NRXN1: variants seen among roughly 807,000 people sequenced by gnomAD.
The protein encoded by NRXN1 is neurexin 1, also known as neurexin-1.
In NRXN1, 39 loss-of-function variants were observed where a neutral mutation model predicts 150.9. The ratio of observed to expected loss-of-function variants is 0.26; its 90% CI spans 0.20 to 0.34. The LOEUF (loss-of-function observed/expected upper bound fraction) is 0.34. Ranked by LOEUF, NRXN1 falls within the 10% of genes least tolerant of loss-of-function variation. The pLI is 1.00. For missense variants in NRXN1, 1,815 were observed against 1,949.9 expected, an observed-to-expected ratio of 0.93 and a Z score of 1.30; for synonymous variants, 924 against 757.0, an observed-to-expected ratio of 1.22 and a Z score of -3.62.
At chr2:50,498,968 G>A in intron 13 of NRXN1, among the ~76,000 whole-genome samples, 1 of 152,156 alleles carries the variant, frequency 6.6e-6, no homozygotes, top group East Asian at 1.9e-4. Context: ...CCCAGAATCA[G>A]CCCCTGAGAA....
chr2:50,042,682 G>A (rs1485183587), intron 21 of NRXN1, among the ~76,000 whole-genome samples: 2 of 35,806 alleles, frequency 5.6e-5, no homozygotes, highest in African/African-American at 2.3e-4. Flanking sequence ...ATTAGGTGCT[G>A]AGCATACACA....
rs185672891 is a variant in NRXN1 at position 50,377,191 on chromosome 2, C to T, written c.3364+88251G>A. On this transcript the variant is annotated intron_variant, in intron 17 of 22. Coordinates refer to ENST00000401669, the MANE Select transcript of NRXN1 (RefSeq NM_001330078.2). ...TGGTGGTTTGCTGCACCTATCAACCCATCACCTAGGTATTAAGCCTCCCAC... is the reference window on the plus strand; with the variant it reads ...TGGTGGTTTGCTGCACCTATCAACCTATCACCTAGGTATTAAGCCTCCCAC... Among the ~76,000 whole-genome samples, 21 of 152,188 alleles carry T rather than the reference C, an allele frequency of 1.4e-4. 1 individual carries two copies. Among genetic ancestry groups the T allele is most frequent in the Admixed American group, 3.9e-4 (6 of 15,276 alleles).
chr2:50,522,185 T>G (rs1441615813), intron 12 of NRXN1, among the ~76,000 whole-genome samples: 1 of 152,110 alleles, frequency 6.6e-6, no homozygotes, highest in East Asian at 1.9e-4. Flanking sequence ...CTGGCCAACA[T>G]GCTGTGTTCT....
intron 21 of NRXN1, among the ~76,000 whole-genome samples, chr2:49,993,482 T>C (rs1307998392): frequency 1.3e-5 from 2 of 152,194 alleles, no homozygotes; most frequent in Non-Finnish European, 2.9e-5. Flanking sequence ...TAATAATAGA[T>C]CCATGCCATG....
At chr2:50,539,084 G>C (rs10490224) in intron 9 of NRXN1, among the ~76,000 whole-genome samples, 3,256 of 152,248 alleles carry the variant, frequency 0.021, 49 homozygotes, top group East Asian at 0.068. Flanking sequence ...TACTTTGATT[G>C]AGCACAATAG....
chr2:50,598,575 TGTGTATATATATGTATATATGCGC>T (rs1374760150), intron 8 of NRXN1, among the ~76,000 whole-genome samples: 4 of 149,748 alleles, frequency 2.7e-5, no homozygotes, highest in African/African-American at 9.8e-5. Context: ...TGTGTGTGTG[TGTGTATATATATGTATATATGCGC>T]GTGTATATAT....
chr2:50,658,422 G>GTGTGTGTGTGTC (rs1686816116), intron 5 of NRXN1, among the ~76,000 whole-genome samples: 1 of 151,608 alleles, frequency 6.6e-6, no homozygotes. Flanking sequence ...GTGTGTGTGT[G>GTGTGTGTGTGTC]TGTGTGTGTG....
At chr2:50,936,329 A>C (rs1294635056) in intron 2 of NRXN1, among the ~76,000 whole-genome samples, 6 of 152,168 alleles carry the variant, frequency 3.9e-5, no homozygotes, top group Non-Finnish European at 8.8e-5. Flanking sequence ...TAATGAAGAA[A>C]ATATGTGTTG....
intron 18 of NRXN1, among the ~76,000 whole-genome samples, chr2:50,163,790 G>C (rs1191579361): frequency 1.3e-5 from 2 of 152,160 alleles, no homozygotes; most frequent in Admixed American, 1.3e-4. Context: ...ATTTAGGAAA[G>C]TGAATTACCA....
chr2:50,821,524 G>C (rs966777870), intron 5 of NRXN1, among the ~76,000 whole-genome samples: 28 of 152,146 alleles, frequency 1.8e-4, no homozygotes, highest in Admixed American at 1.2e-3. Context: ...GATTAAGTGA[G>C]TTAACATATG....
chr2:50,576,697 C>T (rs1208700670), intron 8 of NRXN1, among the ~76,000 whole-genome samples: 1 of 152,008 alleles, frequency 6.6e-6, no homozygotes, highest in East Asian at 1.9e-4. Context: ...CTTGCATTGC[C>T]AAGGCTGAAT....
At chr2:50,102,274 C>A (rs766243213) in intron 18 of NRXN1, among the ~76,000 whole-genome samples, 8 of 151,948 alleles carry the variant, frequency 5.3e-5, no homozygotes, top group East Asian at 1.9e-4. Context: ...TTATCAAGTG[C>A]CTTTTAGCTG....
intron 5 of NRXN1, among the ~76,000 whole-genome samples, chr2:50,705,346 C>G (rs1482184966): frequency 6.6e-6 from 1 of 151,944 alleles, no homozygotes; most frequent in Non-Finnish European, 1.5e-5. Context: ...ATAGATAAAA[C>G]TGAATCAGAC....
chr2:50,227,504 G>A (rs1457458153), intron 18 of NRXN1, among the ~76,000 whole-genome samples: 1 of 151,950 alleles, frequency 6.6e-6, no homozygotes, highest in Non-Finnish European at 1.5e-5. Context: ...TTCCACTGAT[G>A]AGCAGCTCAT....
chr2:50,408,767 T>C lies in NRXN1; in HGVS notation c.3364+56675A>G, dbSNP rs893337767. ...ATTCCCTATTGCCACAGCTGAAGAGTAGAAATGCTTTATGGCTCTAACTGG... is the reference window on the plus strand; with the variant it reads ...ATTCCCTATTGCCACAGCTGAAGAGCAGAAATGCTTTATGGCTCTAACTGG... On this transcript the variant is annotated intron_variant, in intron 17 of 22. Coordinates refer to ENST00000401669, the MANE Select transcript of NRXN1 (RefSeq NM_001330078.2). Among the ~76,000 whole-genome samples the C allele has an allele frequency of 4.6e-5, 7 of 151,468 alleles. No homozygotes were observed. In the East Asian group the frequency reaches 7.8e-4, roughly 17 times the overall value.
chr2:50,755,902 C>T (rs1701108153), intron 5 of NRXN1, among the ~76,000 whole-genome samples: 1 of 151,792 alleles, frequency 6.6e-6, no homozygotes, highest in Non-Finnish European at 1.5e-5. Flanking sequence ...CTTTAATCTA[C>T]TGCATTTTTA....
chr2:50,320,026 C>T (rs1454437821), intron 17 of NRXN1, among the ~76,000 whole-genome samples: 1 of 151,706 alleles, frequency 6.6e-6, no homozygotes, highest in African/African-American at 2.4e-5. Context: ...ACAGTGTTAT[C>T]GAAACCTAAC....
chr2:50,885,056 T>G, intron 5 of NRXN1, among the ~76,000 whole-genome samples: 1 of 151,772 alleles, frequency 6.6e-6, no homozygotes, highest in East Asian at 1.9e-4. Flanking sequence ...AAAATGAGAC[T>G]TTCGTTTCAG....
At chr2:50,225,172 G>C (rs1245610985) in intron 18 of NRXN1, among the ~76,000 whole-genome samples, 1 of 151,966 alleles carries the variant, frequency 6.6e-6, no homozygotes, top group African/African-American at 2.4e-5. Flanking sequence ...CTTTGGTACT[G>C]TACCTCATAC....
Sources: allele counts gnomAD v4.1 joint callset (sites outside exome capture counted in the v4.1 genomes callset), GRCh38; gene constraint gnomAD v4.1.1; transcripts MANE v1.5; gene names NCBI Gene and HGNC (gene_info 2026-07-23, HGNC 2026-07-21).